NRXN1: variants seen among roughly 807,000 people sequenced by gnomAD.
NRXN1 encodes the protein neurexin-1.
In NRXN1, 39 loss-of-function variants were observed where a neutral mutation model predicts 150.9. The ratio of observed to expected loss-of-function variants is 0.26; its 90% CI spans 0.20 to 0.34. The LOEUF is 0.34. NRXN1 is among the 10% of genes least tolerant of loss of function. The pLI, the probability that NRXN1 is intolerant of heterozygous loss-of-function variation, is 1.00. For synonymous variants in NRXN1, 924 were observed against 757.0 expected (o/e 1.22, Z -3.62); for missense variants, 1,815 against 1,949.9 (o/e 0.93, Z 1.30).
Position 50,907,958 on chromosome 2 carries a change from C to T in NRXN1, c.832+13911G>A, listed in dbSNP as rs377273016. On this transcript the variant is annotated intron_variant, in intron 5 of 22. Coordinates refer to ENST00000401669, the MANE Select transcript of NRXN1 (RefSeq NM_001330078.2). ...CTACAATGTCACTCTAGCCAACACT[C>T]ATCACTCAACAAGACTCAGCTAATG... Among the ~76,000 whole-genome samples the T allele has an allele frequency of 7.9e-5, 12 of 152,260 alleles. No homozygotes were observed. The East Asian group carries it at 1.4e-3, about 17-fold the overall frequency.
chr2:50,761,413 A>C (rs565440990), intron 5 of NRXN1, among the ~76,000 whole-genome samples: 23 of 151,956 alleles, frequency 1.5e-4, no homozygotes, highest in South Asian at 1.2e-3. Context: ...GGTTTTATAA[A>C]GGGCAGTTCC....
At chr2:50,768,577 G>T (rs1297198259) in intron 5 of NRXN1, among the ~76,000 whole-genome samples, 1 of 151,832 alleles carries the variant, frequency 6.6e-6, no homozygotes, top group East Asian at 2.0e-4. Context: ...AAAGCGCTGG[G>T]ATTATAGGCT....
chr2:50,180,053 TG>T (rs1199703477), intron 18 of NRXN1, among the ~76,000 whole-genome samples: 4 of 152,142 alleles, frequency 2.6e-5, no homozygotes, highest in African/African-American at 9.7e-5. Context: ...GCTCTCACTC[TG>T]TTGTCCAGGC....
chr2:50,989,060 T>G (rs763174881), intron 2 of NRXN1, among the ~76,000 whole-genome samples: 31 of 152,132 alleles, frequency 2.0e-4, no homozygotes, highest in Non-Finnish European at 3.1e-4. Context: ...GAGAGATATT[T>G]TTCTTCTTTT....
intron 19 of NRXN1, among the ~76,000 whole-genome samples, chr2:50,083,909 C>G (rs937908524): frequency 2.0e-5 from 3 of 152,092 alleles, no homozygotes; most frequent in South Asian, 2.1e-4. Context: ...TCTCCAAGTC[C>G]GCACCAGATC....
intron 12 of NRXN1, among the ~76,000 whole-genome samples, chr2:50,528,032 A>C (rs1225286258): frequency 6.6e-6 from 1 of 152,152 alleles, no homozygotes; most frequent in Non-Finnish European, 1.5e-5. Context: ...AACTCAGTCC[A>C]TGCATCTTTT....
At chr2:50,420,030 T>G (rs976624581) in intron 17 of NRXN1, among the ~76,000 whole-genome samples, 1 of 152,004 alleles carries the variant, frequency 6.6e-6, no homozygotes, top group Non-Finnish European at 1.5e-5. Flanking sequence ...ACAGCAGAGA[T>G]AAAGAGGATT....
chr2:50,297,414 T>G (rs2073715274), intron 17 of NRXN1, among the ~76,000 whole-genome samples: 1 of 152,122 alleles, frequency 6.6e-6, no homozygotes, highest in African/African-American at 2.4e-5. Flanking sequence ...TTAAATATAT[T>G]TTATTGCCTG....
At chr2:50,056,044 T>A (rs1013190670) in intron 19 of NRXN1, among the ~76,000 whole-genome samples, 1 of 152,094 alleles carries the variant, frequency 6.6e-6, no homozygotes, top group African/African-American at 2.4e-5. Context: ...ATCTCGGTGT[T>A]GAGTTGTGTA....
chr2:50,264,887 G>C (rs1278812981), intron 17 of NRXN1, among the ~76,000 whole-genome samples: 1 of 152,012 alleles, frequency 6.6e-6, no homozygotes, highest in Non-Finnish European at 1.5e-5. Context: ...GTCATCACTA[G>C]GACCAGCAGA....
intron 8 of NRXN1, among the ~76,000 whole-genome samples, chr2:50,617,596 G>A (rs1192493304): frequency 6.6e-6 from 1 of 152,136 alleles, no homozygotes; most frequent in Non-Finnish European, 1.5e-5. Flanking sequence ...CCCCAGATGG[G>A]GAAGACAGAG....
At chr2:50,348,837 CT>C (rs200029269) in intron 17 of NRXN1, among the ~76,000 whole-genome samples, 2,577 of 145,032 alleles carry the variant, frequency 0.018, 55 homozygotes, top group African/African-American at 0.051. Flanking sequence ...AGTGGCTGGA[CT>C]TTTTTTTTTT....
intron 5 of NRXN1, among the ~76,000 whole-genome samples, chr2:50,815,489 G>A (rs1668800927): frequency 6.6e-6 from 1 of 152,006 alleles, no homozygotes; most frequent in Admixed American, 6.6e-5. Flanking sequence ...TGTCTTATAA[G>A]TCTCTTTGCT....
At chr2:50,692,372 T>C (rs1444177870) in intron 5 of NRXN1, among the ~76,000 whole-genome samples, 1 of 152,232 alleles carries the variant, frequency 6.6e-6, no homozygotes, top group East Asian at 1.9e-4. Flanking sequence ...ATGTGTTGTA[T>C]GTTAGCAGTA....
chr2:50,784,796 G>C (rs535507051), intron 5 of NRXN1, among the ~76,000 whole-genome samples: 14 of 152,114 alleles, frequency 9.2e-5, no homozygotes, highest in African/African-American at 3.1e-4. Flanking sequence ...ATGAGGACCT[G>C]GACAAGGGTG....
At chr2:50,543,755 T>C (rs1010010926) in intron 9 of NRXN1, among the ~76,000 whole-genome samples, 2 of 152,146 alleles carry the variant, frequency 1.3e-5, no homozygotes, top group African/African-American at 4.8e-5. Flanking sequence ...TCTGTTCTAC[T>C]TCCATAAGAT....
chr2:50,489,397 A>G (rs1218915034), intron 15 of NRXN1, among the ~76,000 whole-genome samples: 1 of 152,148 alleles, frequency 6.6e-6, no homozygotes, highest in South Asian at 2.1e-4. Context: ...ATCTTCACCA[A>G]TGAATCCACA....
chr2:50,215,396 T>C (rs1159052939), intron 18 of NRXN1, among the ~76,000 whole-genome samples: 2 of 152,078 alleles, frequency 1.3e-5, no homozygotes, highest in Non-Finnish European at 2.9e-5. Flanking sequence ...ATCCAATTCA[T>C]ATTAACATGA....
intron 12 of NRXN1, among the ~76,000 whole-genome samples, chr2:50,510,065 T>C (rs2092391291): frequency 6.6e-6 from 1 of 152,112 alleles, no homozygotes; most frequent in African/African-American, 2.4e-5. Flanking sequence ...CTTCAATCTT[T>C]GACTTCAAGC....
Sources: gnomAD v4.1 joint callset for allele counts (sites outside exome capture counted in the v4.1 genomes callset) on GRCh38, gnomAD v4.1.1 for gene constraint, MANE v1.5 for transcripts, NCBI Gene and HGNC (gene_info 2026-07-23, HGNC 2026-07-21) for gene names.